The following ESRRG variants were observed in gnomAD, a reference collection of about 807,000 sequenced individuals.
The protein encoded by ESRRG is estrogen-related receptor gamma.
A neutral mutation model predicts 44.0 loss-of-function variants in ESRRG; 13 were observed. The ratio of observed to expected loss-of-function variants is 0.30; its 90% CI spans 0.19 to 0.47. ESRRG has a LOEUF of 0.47. Among genes scored for constraint, ESRRG ranks in the 20% least tolerant of loss-of-function variants. The pLI is 1.00. For synonymous variants in ESRRG, 215 were observed against 214.6 expected, an observed-to-expected ratio of 1.00 and a Z score of -0.02; for missense variants, 395 against 580.6, an observed-to-expected ratio of 0.68 and a Z score of 3.29.
chr1:216,635,786 G>A (rs2065177859), intron 3 of ESRRG, among the ~76,000 whole-genome samples: 1 of 152,078 alleles, frequency 6.6e-6, no homozygotes, highest in African/African-American at 2.4e-5. Context: ...GCGAGACATG[G>A]ACAGCGAGCA....
At chr1:216,689,576 T>G (rs1391765224) in intron 1 of ESRRG, among the ~76,000 whole-genome samples, 1 of 152,044 alleles carries the variant, frequency 6.6e-6, no homozygotes, top group Admixed American at 6.6e-5. Flanking sequence ...ATTTTGGGAT[T>G]TTTTGGATTT....
At chr1:216,949,683 G>A (rs1188340150) in intron 1 of ESRRG, among the ~76,000 whole-genome samples, 2 of 152,128 alleles carry the variant, frequency 1.3e-5, no homozygotes, top group Non-Finnish European at 2.9e-5. Flanking sequence ...ACATTTCTGT[G>A]AGCTTGTCTC....
At chr1:216,739,555 T>C (rs1236937587) in intron 2 of ESRRG, among the ~76,000 whole-genome samples, 1 of 152,092 alleles carries the variant, frequency 6.6e-6, no homozygotes, top group African/African-American at 2.4e-5. Context: ...AAAATATCAG[T>C]ATTATCCAGG....
intron 1 of ESRRG, among the ~76,000 whole-genome samples, chr1:217,109,904 T>C (rs1330968633): frequency 6.6e-6 from 1 of 152,178 alleles, no homozygotes; most frequent in African/African-American, 2.4e-5. Context: ...ATTTCTGGCT[T>C]CCAGAGCACA....
intron 3 of ESRRG, among the ~76,000 whole-genome samples, chr1:216,575,604 T>C (rs533348251): frequency 7.9e-4 from 120 of 152,218 alleles, no homozygotes; most frequent in African/African-American, 2.8e-3. Flanking sequence ...GCAGGTGCTA[T>C]TATCATCCCA....
At chr1:217,122,071 A>G (rs551774203) in intron 1 of ESRRG, among the ~76,000 whole-genome samples, 1 of 152,232 alleles carries the variant, frequency 6.6e-6, no homozygotes, top group Non-Finnish European at 1.5e-5. Context: ...ATGGAGATAA[A>G]GCAGATGGGC....
intron 1 of ESRRG, among the ~76,000 whole-genome samples, chr1:216,699,917 T>C (rs968064401): frequency 6.6e-6 from 1 of 152,232 alleles, no homozygotes; most frequent in Admixed American, 6.5e-5. Flanking sequence ...CTTTGAGGTT[T>C]AAAGGAATTC....
intron 5 of ESRRG, among the ~76,000 whole-genome samples, chr1:216,536,106 C>A (rs1193409658): frequency 6.6e-6 from 1 of 152,078 alleles, no homozygotes; most frequent in Non-Finnish European, 1.5e-5. Flanking sequence ...CCTGGTCTTT[C>A]TTCTTTTATG....
At chr1:216,714,567 C>A (rs1575657494) in intron 1 of ESRRG, 1 of 982,312 alleles carries the variant, frequency 1.0e-6, no homozygotes, top group African/African-American at 1.7e-5. Context: ...ATGGTGACCA[C>A]ATTCTCAGGA....
chr1:216,577,065 A>T (rs1558602146), intron 3 of ESRRG, among the ~76,000 whole-genome samples: 1 of 152,012 alleles, frequency 6.6e-6, no homozygotes, highest in African/African-American at 2.4e-5. Context: ...CATCCAGAAC[A>T]TTACATTAAA....
rs2063248507 is a variant in ESRRG at position 216,583,783 on chromosome 1, C to CA, written c.590-15686dup. On this transcript the variant is annotated intron_variant, in intron 3 of 6. Coordinates refer to ENST00000408911, the MANE Select transcript of ESRRG (RefSeq NM_001438.4). ...GTTCCACGTGGCTGGAAAAGCCTGA[C>CA]AATCATGGTGGAAGGCAAGGAGGAG... Among the ~76,000 whole-genome samples the CA allele has an allele frequency of 2.0e-5, 3 of 152,148 alleles. No homozygotes were observed. The South Asian group carries it at 6.2e-4, about 32-fold the overall frequency.
chr1:217,092,633 A>G (rs2092365386), upstream of ESRRG, among the ~76,000 whole-genome samples: 2 of 151,706 alleles, frequency 1.3e-5, no homozygotes, highest in African/African-American at 4.8e-5. Flanking sequence ...CATCTCATAC[A>G]CTCTGTTGAC....
intron 1 of ESRRG, among the ~76,000 whole-genome samples, chr1:217,074,468 C>T (rs1173023820): frequency 6.8e-6 from 1 of 147,698 alleles, no homozygotes; most frequent in Non-Finnish European, 1.5e-5. Flanking sequence ...AAAAAAAACT[C>T]AACTAGTTTT....
chr1:216,712,148 T>G (rs1036314123), intron 1 of ESRRG, among the ~76,000 whole-genome samples: 2 of 152,224 alleles, frequency 1.3e-5, no homozygotes, highest in African/African-American at 4.8e-5. Flanking sequence ...TATTAAAGTC[T>G]TGGGTACATA....
intron 2 of ESRRG, among the ~76,000 whole-genome samples, chr1:216,746,395 C>G (rs543717778): frequency 8.8e-4 from 134 of 152,058 alleles, no homozygotes; most frequent in Non-Finnish European, 1.8e-3. Context: ...TATTTACAGG[C>G]AAAATGCCCT....
At chr1:217,076,354 A>G (rs1333472969) in intron 1 of ESRRG, among the ~76,000 whole-genome samples, 1 of 152,170 alleles carries the variant, frequency 6.6e-6, no homozygotes, top group Non-Finnish European at 1.5e-5. Flanking sequence ...AGTTTTTAAA[A>G]TAAGCATAGC....
At chr1:216,602,779 T>TG (rs1164120835) in intron 3 of ESRRG, among the ~76,000 whole-genome samples, 1 of 152,248 alleles carries the variant, frequency 6.6e-6, no homozygotes. Context: ...AACACTGAAA[T>TG]GATTTTCCAC....
chr1:216,683,559 T>A (rs531486396), intron 1 of ESRRG, among the ~76,000 whole-genome samples: 1 of 152,184 alleles, frequency 6.6e-6, no homozygotes, highest in Non-Finnish European at 1.5e-5. Context: ...GATAGAGCTA[T>A]GTAATGTGGG....
chr1:216,592,253 CT>C (rs1280810720), intron 3 of ESRRG, among the ~76,000 whole-genome samples: 2 of 152,162 alleles, frequency 1.3e-5, no homozygotes, highest in African/African-American at 4.8e-5. Context: ...TTAAACTGGT[CT>C]TAGAATTTCC....
Sources: allele counts gnomAD v4.1 joint callset (sites outside exome capture counted in the v4.1 genomes callset), GRCh38; gene constraint gnomAD v4.1.1; transcripts MANE v1.5; gene names NCBI Gene and HGNC (gene_info 2026-07-23, HGNC 2026-07-21).